NTNG1: variants seen among roughly 807,000 people sequenced by gnomAD.
The protein encoded by NTNG1 is netrin-G1.
Under a neutral mutation model 54.0 loss-of-function variants are expected in NTNG1, and 16 were observed. The ratio of observed to expected loss-of-function variants is 0.30; its 90% CI spans 0.20 to 0.45. The LOEUF (loss-of-function observed/expected upper bound fraction) is 0.45, where lower values mean the gene tolerates loss of function less well. NTNG1 is among the 20% of genes least tolerant of loss of function. The probability of loss-of-function intolerance (pLI) is 1.00; values close to 1 mark genes in which losing one functional copy is unlikely to be tolerated. For missense variants in NTNG1, 530 were observed against 678.7 expected (o/e 0.78, Z 2.43); for synonymous variants, 255 against 263.1 (o/e 0.97, Z 0.30).
At chr1:107,345,816 T>C (rs778981511) in intron 3 of NTNG1, among the ~76,000 whole-genome samples, 2 of 152,184 alleles carry the variant, frequency 1.3e-5, no homozygotes, top group Non-Finnish European at 2.9e-5. Flanking sequence ...ATTCCTAGGT[T>C]ATGTATGTGA....
chr1:107,343,180 T>C (rs1669005715), intron 3 of NTNG1, among the ~76,000 whole-genome samples: 1 of 152,124 alleles, frequency 6.6e-6, no homozygotes, highest in Non-Finnish European at 1.5e-5. Context: ...AAATTAGTAA[T>C]AGGAATCAGA....
At chr1:107,175,769 T>TATGG (rs1656599484) in intron 2 of NTNG1, among the ~76,000 whole-genome samples, 2 of 152,146 alleles carry the variant, frequency 1.3e-5, no homozygotes, top group Admixed American at 1.3e-4. Flanking sequence ...TTTATGGAAA[T>TATGG]TCTCTAGGAC....
rs118136002 is a variant in NTNG1, at chr1:107,200,742, A to C, written c.246+51903A>C. Reference sequence around the variant, plus strand: ...GCTTGATTTTCTATTTGAAAAATCAATTTCCTCCCTGAGCCCCTCCTATTA... The same window carrying C: ...GCTTGATTTTCTATTTGAAAAATCACTTTCCTCCCTGAGCCCCTCCTATTA... On this transcript the variant is annotated intron_variant, in intron 2 of 7. Coordinates refer to ENST00000370068, the MANE Select transcript of NTNG1 (RefSeq NM_001113226.3). 2.4e-4 allele frequency among the ~76,000 whole-genome samples: 37 copies of C among 151,788 alleles called. 1 individual carries two copies. Among genetic ancestry groups the C allele is most frequent in the Admixed American group, 2.4e-3 (36 of 15,190 alleles).
At position 107,147,445 on chromosome 1, in the gene NTNG1, C is replaced by A. The variant is rs191404940; in HGVS notation, c.-525-624C>A. The stretch of plus-strand genomic sequence containing the variant: ...AATTCTTATGAAAGGAAATTTTGCT[C>A]CTTTGGTTTTATTTTTGATTTTTTT... On this transcript the variant is annotated intron_variant, in intron 1 of 7. Coordinates refer to ENST00000370068, the MANE Select transcript of NTNG1 (RefSeq NM_001113226.3). Among the ~76,000 whole-genome samples the A allele has an allele frequency of 2.7e-4, 41 of 150,648 alleles. No homozygotes were observed. The East Asian group carries it at 7.2e-3, about 26-fold the overall frequency.
intron 3 of NTNG1, among the ~76,000 whole-genome samples, chr1:107,332,595 G>A (rs1457716921): frequency 1.3e-5 from 2 of 151,934 alleles, no homozygotes; most frequent in Non-Finnish European, 2.9e-5. Context: ...TTCTTAACAC[G>A]TTAGGAGATG....
In NTNG1 at chr1:107,321,328, A is replaced by G. The variant is rs138266830; in HGVS notation, c.247-2954A>G. Among the ~76,000 whole-genome samples, 1,520 of 152,078 alleles carry G rather than the reference A, an allele frequency of 1.0e-2. 27 individuals are homozygous for G. The highest frequency in any genetic ancestry group is 0.034 in the African/African-American group (1,428 of 41,496). On this transcript the variant is annotated intron_variant, in intron 2 of 7. Coordinates refer to ENST00000370068, the MANE Select transcript of NTNG1 (RefSeq NM_001113226.3). ...GTTGCATGTATGAATCTTTACTCTC[A>G]TTTTTTTAGGTGCCTGAAGCACCAG...
At chr1:107,274,773 A>G (rs1318626252) in intron 2 of NTNG1, among the ~76,000 whole-genome samples, 1 of 152,166 alleles carries the variant, frequency 6.6e-6, no homozygotes, top group African/African-American at 2.4e-5. Context: ...AAGAATTTAT[A>G]TTTGATTCTA....
chr1:107,304,822 G>A (rs988667847), intron 2 of NTNG1, among the ~76,000 whole-genome samples: 4 of 151,356 alleles, frequency 2.6e-5, no homozygotes, highest in Admixed American at 6.6e-5. Context: ...TGCCATGGTC[G>A]TTTGCTGCAC....
chr1:107,176,310 T>A (rs1232780821), intron 2 of NTNG1, among the ~76,000 whole-genome samples: 1 of 152,220 alleles, frequency 6.6e-6, no homozygotes, highest in Admixed American at 6.5e-5. Context: ...GTACATTGTT[T>A]ATTTCTGAAA....
chr1:107,441,690 C>T (rs1854283), intron 7 of NTNG1, among the ~76,000 whole-genome samples: 145,791 of 152,058 alleles, frequency 0.96, 70,199 homozygotes, highest in East Asian at 1. Context: ...AGGTAAGAGG[C>T]TCTGGGGATC....
At chr1:107,468,216 A>G (rs1283960430) in intron 7 of NTNG1, among the ~76,000 whole-genome samples, 2 of 152,208 alleles carry the variant, frequency 1.3e-5, no homozygotes, top group Non-Finnish European at 2.9e-5. Context: ...GGCTTAGACC[A>G]TATTTAGAAC....
At chr1:107,296,255 C>G (rs1665935853) in intron 2 of NTNG1, among the ~76,000 whole-genome samples, 1 of 152,066 alleles carries the variant, frequency 6.6e-6, no homozygotes, top group African/African-American at 2.4e-5. Context: ...TGAATGATAT[C>G]AGTATTTACA....
rs182575750 is a variant in NTNG1 at position 107,326,545 on chromosome 1, T to C, written c.887+1623T>C. On this transcript the variant is annotated intron_variant, in intron 3 of 7. Transcript: ENST00000370068. ...TAGTTGATATTGTTATTATTAATGA[T>C]AGCTTGCCACAATGAAGTAGCAAAT... 3.9e-4 allele frequency among the ~76,000 whole-genome samples: 60 copies of C among 152,286 alleles called. 1 individual carries two copies. The highest frequency in any genetic ancestry group is 1.4e-3 in the African/African-American group (57 of 41,574).
chr1:107,248,615 A>G (rs1446842311), intron 2 of NTNG1, among the ~76,000 whole-genome samples: 1 of 152,192 alleles, frequency 6.6e-6, no homozygotes, highest in Non-Finnish European at 1.5e-5. Context: ...ATCTATAATG[A>G]CGATCACAAT....
intron 2 of NTNG1, among the ~76,000 whole-genome samples, chr1:107,321,293 A>G (rs1030107396): frequency 6.6e-6 from 1 of 152,134 alleles, no homozygotes; most frequent in Admixed American, 6.6e-5. Flanking sequence ...ATGGCAATCA[A>G]TAACACATTG....
At chr1:107,412,968 T>A (rs1673931041) in intron 5 of NTNG1, among the ~76,000 whole-genome samples, 1 of 152,160 alleles carries the variant, frequency 6.6e-6, no homozygotes, top group Non-Finnish European at 1.5e-5. Context: ...AGGATAACTC[T>A]GCCAGTATCA....
chr1:107,305,460 T>C (rs1666627576), intron 2 of NTNG1, among the ~76,000 whole-genome samples: 1 of 152,336 alleles, frequency 6.6e-6, no homozygotes, highest in Middle Eastern at 3.4e-3. Flanking sequence ...CTAATTGGGG[T>C]TTTCATTTGC....
At chr1:107,403,792 G>C (rs1673215867) in intron 4 of NTNG1, 1 of 153,858 alleles carries the variant, frequency 6.5e-6, no homozygotes, top group South Asian at 2.0e-4. Flanking sequence ...GAAGTTACAT[G>C]CTCTGATGTT....
intron 2 of NTNG1, among the ~76,000 whole-genome samples, chr1:107,177,907 C>G (rs1015274965): frequency 6.6e-6 from 1 of 152,134 alleles, no homozygotes; most frequent in Non-Finnish European, 1.5e-5. Flanking sequence ...GTTGTACTTT[C>G]TGGAGCTAGG....
Sources: allele counts gnomAD v4.1 joint callset (sites outside exome capture counted in the v4.1 genomes callset), GRCh38; gene constraint gnomAD v4.1.1; transcripts MANE v1.5; gene names NCBI Gene and HGNC (gene_info 2026-07-23, HGNC 2026-07-21).